The following ZNF544 variants were observed in gnomAD, a reference collection of about 807,000 sequenced individuals.
The protein encoded by ZNF544 is zinc finger protein 544.
Under a neutral mutation model 13.5 loss-of-function variants are expected in ZNF544, and 10 were observed. That is an observed-to-expected ratio of 0.74 (90% CI 0.46 to 1.25). The LOEUF (loss-of-function observed/expected upper bound fraction) is 1.25, where lower values mean the gene tolerates loss of function less well. Among genes scored for constraint, ZNF544 ranks in the 50% most tolerant of loss-of-function variants. The pLI is 0.00. For synonymous variants in ZNF544, 323 were observed against 300.5 expected (o/e 1.07, Z -0.77); for missense variants, 896 against 845.6 (o/e 1.06, Z -0.74).
At chr19:58,253,987 A>G (rs1340930428) in intron 6 of ZNF544, among the ~76,000 whole-genome samples, 3 of 152,126 alleles carry the variant, frequency 2.0e-5, no homozygotes, top group Non-Finnish European at 2.9e-5. Flanking sequence ...CACGCCTGTA[A>G]TCCCAGGCAG....
rs1240995782 is a variant in ZNF544, at chr19:58,262,799, C to T, written c.*45C>T. 3 of 1,548,294 alleles carry T rather than the reference C, an allele frequency of 1.9e-6. No homozygotes were observed. Among genetic ancestry groups the T allele is most frequent in the South Asian group, 1.3e-5 (1 of 79,642 alleles). Reference sequence around the variant, plus strand: ...AAGCTTTCATCCAGAGGTCTCCCCTCATCATGCACCAGAGGACGCATGTCG... The same window carrying T: ...AAGCTTTCATCCAGAGGTCTCCCCTTATCATGCACCAGAGGACGCATGTCG... On this transcript the variant is annotated 3_prime_UTR_variant, in exon 7 of 7. Transcript: ENST00000687789.
intron 5 of ZNF544, chr19:58,276,252 A>T: frequency 1.4e-6 from 1 of 722,478 alleles, no homozygotes; most frequent in Non-Finnish European, 1.9e-6. Flanking sequence ...ACCTGCCCCT[A>T]CCTCTCCAAC....
At chr19:58,277,028 A>C (rs950469989) in intron 6 of ZNF544, among the ~76,000 whole-genome samples, 1 of 152,216 alleles carries the variant, frequency 6.6e-6, no homozygotes, top group Admixed American at 6.5e-5. Context: ...TTAGGGATCT[A>C]CCTGCTTAAA....
chr19:58,248,155 GC>G (rs958642091), intron 6 of ZNF544, among the ~76,000 whole-genome samples: 2 of 150,754 alleles, frequency 1.3e-5, no homozygotes, highest in African/African-American at 2.4e-5. Flanking sequence ...CTCATGATGC[GC>G]CCCCCTCAGC....
chr19:58,259,958 G>A (rs747807860), intron 6 of ZNF544, among the ~76,000 whole-genome samples: 2 of 151,984 alleles, frequency 1.3e-5, no homozygotes, highest in Non-Finnish European at 2.9e-5. Flanking sequence ...ATCACAGAAG[G>A]GTACATTGGC....
chr19:58,272,872 CAA>C (rs60087012), intron 5 of ZNF544, among the ~76,000 whole-genome samples: 1 of 128,574 alleles, frequency 7.8e-6, no homozygotes. Flanking sequence ...GTCTCCTTCT[CAA>C]AAAAAAAAAG....
intron 3 of ZNF544, among the ~76,000 whole-genome samples, chr19:58,235,331 A>G (rs1177207784): frequency 6.6e-6 from 1 of 152,168 alleles, no homozygotes; most frequent in Non-Finnish European, 1.5e-5. Flanking sequence ...AAAATGGCCC[A>G]CCTGTATAGG....
intron 6 of ZNF544, among the ~76,000 whole-genome samples, chr19:58,255,114 T>C (rs2046996575): frequency 6.6e-6 from 1 of 151,916 alleles, no homozygotes; most frequent in Non-Finnish European, 1.5e-5. Context: ...GGTCTCGATC[T>C]CCTGACCTCG....
At position 58,261,631 on chromosome 19, in the gene ZNF544, C is replaced by T; in HGVS notation, c.1025C>T (p.Ser342Phe). ...CAAFPMASSF[S>F]DCNIIQTTEK... ...GCCTTCCCCATGGCCTCATCTTTTT[C>T]TGACTGTAACATCATTCAGACTACA... is the stretch of plus-strand genomic sequence containing the variant. The change falls in exon 7 of 7, where the codon TCT (serine) becomes TTT (phenylalanine). Residue 342 changes from serine (S) to phenylalanine (F), a missense_variant. Physicochemically the swap from Ser to Phe is radical, Grantham distance 155 (BLOSUM62 -2). Coordinates refer to ENST00000687789, the MANE Select transcript of ZNF544 (RefSeq NM_014480.4). 1 of 1,614,216 alleles carries T rather than the reference C, an allele frequency of 6.2e-7. No homozygotes were observed. The highest frequency in any genetic ancestry group is 8.5e-7 in the Non-Finnish European group (1 of 1,180,032).
intron 3 of ZNF544, among the ~76,000 whole-genome samples, chr19:58,233,127 C>A (rs770103163): frequency 3.3e-5 from 5 of 152,062 alleles, no homozygotes; most frequent in Non-Finnish European, 7.4e-5. Flanking sequence ...AGGGGAGCTC[C>A]TCTTTGTAAA....
chr19:58,242,640 C>T (rs2044152909), intron 3 of ZNF544, among the ~76,000 whole-genome samples: 1 of 151,894 alleles, frequency 6.6e-6, no homozygotes, highest in South Asian at 2.1e-4. Flanking sequence ...CAGCCCCTAC[C>T]CCCACCAGTT....
At chr19:58,249,212 C>T (rs921213085) in intron 6 of ZNF544, among the ~76,000 whole-genome samples, 3 of 152,182 alleles carry the variant, frequency 2.0e-5, no homozygotes, top group Non-Finnish European at 4.4e-5. Flanking sequence ...TCTCATACCT[C>T]ATTTCCCCCC....
At position 58,238,269 on chromosome 19, in the gene ZNF544, G is replaced by A. The variant is rs1375054932; in HGVS notation, c.-59-5696G>A. On this transcript the variant is annotated intron_variant, in intron 3 of 6. Coordinates refer to ENST00000687789, the MANE Select transcript of ZNF544 (RefSeq NM_014480.4). ...CTGGGAAGGGATATCTGGAGATTGT[G>A]GAGGAATTTGGGCTTTCTCCTAAGG... 2.6e-5 allele frequency among the ~76,000 whole-genome samples: 4 copies of A among 152,268 alleles called. No individual in the cohort carries two copies. The East Asian group carries it at 7.7e-4, about 29-fold the overall frequency.
chr19:58,260,781 C>T, intron 6 of ZNF544, 70 bp from the exon 7 acceptor site: 1 of 1,394,816 alleles, frequency 7.2e-7, no homozygotes, highest in Non-Finnish European at 9.6e-7. Flanking sequence ...ACAGTTGTCT[C>T]CTTCATCTCC....
chr19:58,262,495 A>G lies in ZNF544; in HGVS notation c.1889A>G (p.Lys630Arg), dbSNP rs1353992566. 7 of 1,614,104 alleles carry G rather than the reference A, an allele frequency of 4.3e-6. No homozygotes were observed. Among genetic ancestry groups the G allele is most frequent in the Non-Finnish European group, 5.9e-6 (7 of 1,180,030 alleles). ...CATCTGCAAATTCACACTGGGGAGA[A>G]GCCGTACAAATGCAATCAGTGCAAT... ...IRHLQIHTGE[K>R]PYKCNQCNKA... The change falls in exon 7 of 7, where the codon AAG becomes AGG. Residue 630 changes from lysine to arginine, a missense_variant. Transcript: ENST00000687789.
intron 3 of ZNF544, among the ~76,000 whole-genome samples, chr19:58,236,744 CTTTTTT>C (rs112780440): frequency 6.3e-4 from 88 of 139,928 alleles, no homozygotes; most frequent in Non-Finnish European, 1.2e-3. Flanking sequence ...TTCTGTGAAA[CTTTTTT>C]TTTTTTTTTA....
At chr19:58,266,212 C>CAAAAA (rs760851818), downstream of ZNF544, among the ~76,000 whole-genome samples, 923 of 46,114 alleles carry the variant, frequency 0.02, 75 homozygotes, top group African/African-American at 0.029. Context: ...GACTCTGTCT[C>CAAAAA]AAAAAAAAAA....
chr19:58,234,341 G>A (rs370315583), intron 3 of ZNF544, among the ~76,000 whole-genome samples: 2 of 152,150 alleles, frequency 1.3e-5, no homozygotes, highest in Non-Finnish European at 2.9e-5. Flanking sequence ...CATCTTGTGG[G>A]CCTAGAACTG....
At chr19:58,253,124 C>T (rs2147296985) in intron 6 of ZNF544, among the ~76,000 whole-genome samples, 1 of 152,210 alleles carries the variant, frequency 6.6e-6, no homozygotes, top group East Asian at 1.9e-4. Context: ...AACCCATAAT[C>T]CTTTCTTAAT....
Sources: allele counts gnomAD v4.1 joint callset (sites outside exome capture counted in the v4.1 genomes callset), GRCh38; gene constraint gnomAD v4.1.1; transcripts MANE v1.5; gene names NCBI Gene and HGNC (gene_info 2026-07-23, HGNC 2026-07-21).